The following VPS13B variants were observed in gnomAD, a reference collection of about 807,000 sequenced individuals.
The protein encoded by VPS13B is vacuolar protein sorting 13 homolog B.
A neutral mutation model predicts 426.4 loss-of-function variants in VPS13B; 285 were observed. That is an observed-to-expected ratio of 0.67 (90% CI 0.61 to 0.74). VPS13B has a LOEUF of 0.74. VPS13B is among the 30% of genes least tolerant of loss of function. The pLI is 0.00. For synonymous variants in VPS13B, 1,676 were observed against 1,676.4 expected, an observed-to-expected ratio of 1.00 and a Z score of 0.01; for missense variants, 4,537 against 4,782.6, an observed-to-expected ratio of 0.95 and a Z score of 1.51.
At chr8:99,783,827 C>T (rs79250724) in intron 42 of VPS13B, among the ~76,000 whole-genome samples, 1,827 of 152,252 alleles carry the variant, frequency 0.012, 26 homozygotes, top group East Asian at 0.037. Flanking sequence ...CACACATATC[C>T]ACCCTCCCTC....
intron 30 of VPS13B, among the ~76,000 whole-genome samples, chr8:99,528,919 A>G (rs1268522237): frequency 2.0e-5 from 3 of 152,008 alleles, no homozygotes; most frequent in Non-Finnish European, 2.9e-5. Context: ...AATTCTGTTT[A>G]TATCCTGTTT....
intron 29 of VPS13B, among the ~76,000 whole-genome samples, chr8:99,516,079 A>G (rs1282489275): frequency 1.3e-5 from 2 of 152,160 alleles, no homozygotes; most frequent in African/African-American, 4.8e-5. Context: ...CTGTGTGCCT[A>G]AGCTAAGAAT....
intron 36 of VPS13B, among the ~76,000 whole-genome samples, chr8:99,713,847 T>C (rs866461981): frequency 6.6e-6 from 1 of 152,086 alleles, no homozygotes; most frequent in Non-Finnish European, 1.5e-5. Context: ...TCTCAAAAAA[T>C]GATTGGCATA....
intron 40 of VPS13B, among the ~76,000 whole-genome samples, chr8:99,768,594 T>C (rs935077632): frequency 6.6e-6 from 1 of 152,226 alleles, no homozygotes; most frequent in Non-Finnish European, 1.5e-5. Flanking sequence ...GTCTTTTTCA[T>C]TGATTATTTT....
intron 54 of VPS13B, among the ~76,000 whole-genome samples, chr8:99,843,479 G>A (rs1005475552): frequency 2.0e-5 from 3 of 152,176 alleles, no homozygotes; most frequent in Non-Finnish European, 4.4e-5. Flanking sequence ...ACTTCTAAGC[G>A]ATGCTCAGTC....
rs933583766 is a variant in VPS13B at position 99,236,556 on chromosome 8, T to C, written c.2516-37642T>C. On this transcript the variant is annotated intron_variant, in intron 17 of 61. Transcript: ENST00000357162. Reference sequence around the variant, plus strand: ...TGAACTACCGTGCCTGACCTGTTGATTTTAATTTGATGTAATCTCTAAGCT... The same window carrying C: ...TGAACTACCGTGCCTGACCTGTTGACTTTAATTTGATGTAATCTCTAAGCT... Among the ~76,000 whole-genome samples the C allele has an allele frequency of 4.6e-5, 7 of 152,208 alleles. No homozygotes were observed. The South Asian group carries it at 1.2e-3, about 27-fold the overall frequency.
At chr8:99,021,509 T>C (rs891259849) in intron 2 of VPS13B, among the ~76,000 whole-genome samples, 1 of 151,892 alleles carries the variant, frequency 6.6e-6, no homozygotes, top group Non-Finnish European at 1.5e-5. Flanking sequence ...TAATCCCAGC[T>C]ACTCAGGAGG....
At chr8:99,105,409 C>T (rs916512259) in intron 5 of VPS13B, among the ~76,000 whole-genome samples, 2 of 152,058 alleles carry the variant, frequency 1.3e-5, no homozygotes, top group Admixed American at 6.5e-5. Context: ...GACAGAGTCT[C>T]GCTCTGTCAC....
At chr8:99,838,108 A>G (rs1802052457) in intron 54 of VPS13B, among the ~76,000 whole-genome samples, 1 of 152,168 alleles carries the variant, frequency 6.6e-6, no homozygotes, top group African/African-American at 2.4e-5. Context: ...ACCTGCTAAC[A>G]TGTAGGCTGC....
At chr8:99,376,557 T>C (rs2133275103) in intron 19 of VPS13B, among the ~76,000 whole-genome samples, 1 of 152,286 alleles carries the variant, frequency 6.6e-6, no homozygotes, top group Non-Finnish European at 1.5e-5. Context: ...AGTTTAATTT[T>C]CCATTTGAAA....
intron 36 of VPS13B, among the ~76,000 whole-genome samples, chr8:99,703,519 A>G (rs1168577291): frequency 6.6e-6 from 1 of 152,154 alleles, no homozygotes; most frequent in East Asian, 1.9e-4. Flanking sequence ...TTAAAAGTAC[A>G]TCTCCTTTAG....
At chr8:99,832,856 TC>T (rs1815158895) in intron 52 of VPS13B, among the ~76,000 whole-genome samples, 1 of 151,900 alleles carries the variant, frequency 6.6e-6, no homozygotes, top group African/African-American at 2.4e-5. Context: ...AAGGGATTTT[TC>T]CCCATATGGA....
At chr8:99,830,909 C>T (rs1490698896) in intron 51 of VPS13B, among the ~76,000 whole-genome samples, 1 of 151,984 alleles carries the variant, frequency 6.6e-6, no homozygotes, top group Non-Finnish European at 1.5e-5. Context: ...CCTGCTTCTG[C>T]TCACCCTCCT....
At chr8:99,568,112 G>A (rs1825274662) in intron 31 of VPS13B, among the ~76,000 whole-genome samples, 1 of 151,996 alleles carries the variant, frequency 6.6e-6, no homozygotes, top group South Asian at 2.1e-4. Flanking sequence ...ATGCCTGGCT[G>A]GGAGGAAAGA....
Position 99,103,121 on chromosome 8 carries a change from G to T in VPS13B, c.580+1G>T, listed in dbSNP as rs1846848656. 2 of 1,613,748 alleles carry T rather than the reference G, an allele frequency of 1.2e-6. No individual in the cohort carries two copies. Among genetic ancestry groups the T allele is most frequent in the Non-Finnish European group, 8.5e-7 (1 of 1,179,804 alleles). ...GATCGTGCATTCATGGATATTTCTG[G>T]TGAGTAAATATGGAGAATACCGTAT... On this transcript the variant is annotated splice_donor_variant, in intron 5 of 61. Transcript: ENST00000357162. LOFTEE classifies it high-confidence loss of function.
intron 36 of VPS13B, among the ~76,000 whole-genome samples, chr8:99,713,105 TAG>T (rs201708117): frequency 0.026 from 3,963 of 152,332 alleles, 73 homozygotes; most frequent in Non-Finnish European, 0.038. Flanking sequence ...TCCTGCATAA[TAG>T]AGATACCTAA....
chr8:99,051,845 G>A (rs1029999629), intron 3 of VPS13B, among the ~76,000 whole-genome samples: 1 of 152,154 alleles, frequency 6.6e-6, no homozygotes, highest in Non-Finnish European at 1.5e-5. Context: ...TGTTACTGGT[G>A]TATAAGAATG....
chr8:99,065,851 A>G (rs976406618), intron 3 of VPS13B, among the ~76,000 whole-genome samples: 2 of 152,226 alleles, frequency 1.3e-5, no homozygotes, highest in African/African-American at 4.8e-5. Flanking sequence ...AAGCATTCCT[A>G]TACACTAATA....
At chr8:99,259,808 A>G (rs1056908975) in intron 17 of VPS13B, among the ~76,000 whole-genome samples, 2 of 152,146 alleles carry the variant, frequency 1.3e-5, no homozygotes, top group African/African-American at 4.8e-5. Flanking sequence ...CTGGCAATGT[A>G]TGTGAAAAAG....
Sources: allele counts gnomAD v4.1 joint callset (sites outside exome capture counted in the v4.1 genomes callset), GRCh38; gene constraint gnomAD v4.1.1; transcripts MANE v1.5; gene names NCBI Gene and HGNC (gene_info 2026-07-23, HGNC 2026-07-21).